The following SGCG variants were observed in gnomAD, a reference collection of about 807,000 sequenced individuals.
SGCG encodes the protein sarcoglycan gamma.
A neutral mutation model predicts 29.3 loss-of-function variants in SGCG; 26 were observed. The observed-to-expected ratio is 0.89, with a 90% confidence interval of 0.65 to 1.23. SGCG has a LOEUF of 1.23. Among genes scored for constraint, SGCG ranks in the 50% most tolerant of loss-of-function variants. The pLI is 0.00. For synonymous variants in SGCG, 145 were observed against 129.7 expected (o/e 1.12, Z -0.80); for missense variants, 353 against 356.0 (o/e 0.99, Z 0.07).
At chr13:23,296,558 C>T (rs966442902) in intron 6 of SGCG, among the ~76,000 whole-genome samples, 2 of 151,480 alleles carry the variant, frequency 1.3e-5, no homozygotes, top group Admixed American at 6.6e-5. Flanking sequence ...AAAACTGAAA[C>T]CCTGTATCCA....
chr13:23,317,213 C>CA (rs1882850298), intron 6 of SGCG, among the ~76,000 whole-genome samples: 1 of 152,064 alleles, frequency 6.6e-6, no homozygotes, highest in South Asian at 2.1e-4. Flanking sequence ...AAGATGAAAT[C>CA]AGTCTACTAC....
chr13:23,162,519 C>T, the SGCG span, among the ~76,000 whole-genome samples: 12 of 152,062 alleles, frequency 7.9e-5, no homozygotes, highest in South Asian at 2.3e-3. Context: ...CCAGCTACTC[C>T]GGAGGCTGAG....
chr13:23,324,389 G>A lies in SGCG; in HGVS notation c.724G>A (p.Val242Met). ...CCAGCTTGTGCTTGATGCTGAAACT[G>A]TGTGCTTACCCAAGCTGGTGCAGGG... is the stretch of plus-strand genomic sequence containing the variant. ...DGMLVLDAET[V>M]CLPKLVQGTW... Residue 242 changes from valine (V) to methionine (M), a missense_variant, in exon 8 of 8, where the codon GTG becomes ATG. Physicochemically the swap from Val to Met is conservative, Grantham distance 21. Transcript: ENST00000218867. 6.2e-7 allele frequency: 1 copy of A among 1,614,184 alleles called. No homozygotes were observed.
chr13:23,273,262 G>C (rs1006260150), intron 4 of SGCG, among the ~76,000 whole-genome samples: 4 of 151,292 alleles, frequency 2.6e-5, no homozygotes, highest in African/African-American at 9.8e-5. Context: ...TCAGCTCACT[G>C]CAACCTCCGC....
At chr13:23,295,323 C>T (rs1881859316) in intron 5 of SGCG, 92 bp from the exon 6 acceptor site, 8 of 1,064,008 alleles carry the variant, frequency 7.5e-6, no homozygotes, top group East Asian at 2.4e-5. Flanking sequence ...GAACAAAATC[C>T]ATATGTTCTT....
At chr13:23,321,358 C>T (rs1308129008) in intron 7 of SGCG, among the ~76,000 whole-genome samples, 3 of 152,168 alleles carry the variant, frequency 2.0e-5, no homozygotes, top group Non-Finnish European at 2.9e-5. Context: ...CCTGTATACA[C>T]TATCTGTTTT....
intron 6 of SGCG, among the ~76,000 whole-genome samples, chr13:23,311,398 C>T (rs1429445678): frequency 6.6e-6 from 1 of 152,252 alleles, no homozygotes; most frequent in Non-Finnish European, 1.5e-5. Context: ...CATAGTTCTT[C>T]ATATGTATGT....
At chr13:23,306,566 A>G (rs1392772865) in intron 6 of SGCG, among the ~76,000 whole-genome samples, 1 of 152,228 alleles carries the variant, frequency 6.6e-6, no homozygotes, top group Non-Finnish European at 1.5e-5. Flanking sequence ...ATCAATGTCT[A>G]TAAATACAAG....
intron 5 of SGCG, among the ~76,000 whole-genome samples, chr13:23,292,583 G>T (rs139113220): frequency 1.3e-5 from 2 of 152,316 alleles, no homozygotes; most frequent in East Asian, 1.9e-4. Context: ...GGAATAGATT[G>T]CAGTCTCCAG....
chr13:23,322,771 TCCCCCCCCCC>T (rs79538128), intron 7 of SGCG, among the ~76,000 whole-genome samples: 10 of 59,856 alleles, frequency 1.7e-4, no homozygotes, highest in Non-Finnish European at 3.1e-4. Flanking sequence ...CCCATCCACC[TCCCCCCCCCC>T]CCCCCCCCGC....
At chr13:23,198,524 T>C (rs1435121006) in intron 1 of SGCG, among the ~76,000 whole-genome samples, 2 of 152,086 alleles carry the variant, frequency 1.3e-5, no homozygotes, top group African/African-American at 4.8e-5. Flanking sequence ...AAACTATACC[T>C]GAGAGATGCA....
intron 4 of SGCG, among the ~76,000 whole-genome samples, chr13:23,271,242 T>G (rs1425118944): frequency 6.6e-6 from 1 of 152,104 alleles, no homozygotes; most frequent in East Asian, 1.9e-4. Context: ...ATCTTTAAAC[T>G]TGAAATGCCG....
chr13:23,294,776 G>T (rs1013396351), intron 5 of SGCG, among the ~76,000 whole-genome samples: 2 of 152,020 alleles, frequency 1.3e-5, no homozygotes, highest in African/African-American at 4.8e-5. Flanking sequence ...CTTCCTCATG[G>T]GTAAATAGGA....
chr13:23,319,143 C>T (rs1484066840), intron 6 of SGCG, among the ~76,000 whole-genome samples: 2 of 152,016 alleles, frequency 1.3e-5, no homozygotes, highest in Non-Finnish European at 2.9e-5. Context: ...ACTAAAAATA[C>T]AAAAATTAGC....
chr13:23,299,440 ATATATATATATATATATT>A (rs1160617016), intron 6 of SGCG, among the ~76,000 whole-genome samples: 8 of 5,252 alleles, frequency 1.5e-3, no homozygotes, highest in African/African-American at 4.3e-3. Flanking sequence ...ATATATATAT[ATATATATATATATATATT>A]TTTTTTTTTT....
chr13:23,195,010 G>A (rs561891857), intron 1 of SGCG, among the ~76,000 whole-genome samples: 1 of 152,306 alleles, frequency 6.6e-6, no homozygotes, highest in South Asian at 2.1e-4. Context: ...TTTCATTGCA[G>A]CCAACTACTA....
At chr13:23,190,048 G>C (rs557271697) in intron 1 of SGCG, among the ~76,000 whole-genome samples, 45 of 149,190 alleles carry the variant, frequency 3.0e-4, no homozygotes, top group African/African-American at 1.1e-3. Context: ...TATTTTAAAA[G>C]AATAAAAATA....
Position 23,198,026 on chromosome 13 carries a change from A to C in SGCG, c.1-5669A>C, listed in dbSNP as rs189667383. ...GAACTGTTGAAAGCAAAGTGGTGGA[A>C]ATTTGTACCAGAAAAACATTGAAAC... is the stretch of plus-strand genomic sequence containing the variant. On this transcript the variant is annotated intron_variant, in intron 1 of 7. Transcript: ENST00000218867. 2.5e-3 allele frequency among the ~76,000 whole-genome samples: 377 copies of C among 152,340 alleles called. 3 individuals carry two copies. The highest frequency in any genetic ancestry group is 7.6e-3 in the African/African-American group (318 of 41,574).
chr13:23,183,167 T>C (rs536637704), intron 1 of SGCG, among the ~76,000 whole-genome samples: 2 of 152,320 alleles, frequency 1.3e-5, no homozygotes, highest in Non-Finnish European at 2.9e-5. Context: ...AGGAGTTGCA[T>C]TGTAGCAGCT....
Sources: gnomAD v4.1 joint callset for allele counts (sites outside exome capture counted in the v4.1 genomes callset) on GRCh38, gnomAD v4.1.1 for gene constraint, MANE v1.5 for transcripts, NCBI Gene and HGNC (gene_info 2026-07-23, HGNC 2026-07-21) for gene names.